The following CNTN6 variants were observed in gnomAD, a reference collection of about 807,000 sequenced individuals.
CNTN6 encodes the protein contactin-6.
In CNTN6, 137 loss-of-function variants were observed where a neutral mutation model predicts 122.8. The ratio of observed to expected loss-of-function variants is 1.12; its 90% CI spans 0.97 to 1.29. The LOEUF is 1.29. CNTN6 is among the 50% of genes most tolerant of loss of function. The pLI is 0.00. For synonymous variants in CNTN6, 570 were observed against 426.0 expected (o/e 1.34, Z -4.16); for missense variants, 1,634 against 1,223.4 (o/e 1.34, Z -5.01).
At chr3:1,165,254 TCTCATTACCG>T (rs1178810275) in intron 2 of CNTN6, among the ~76,000 whole-genome samples, 2 of 152,178 alleles carry the variant, frequency 1.3e-5, no homozygotes, top group Non-Finnish European at 2.9e-5. Flanking sequence ...CCATTCCCAT[TCTCATTACCG>T]CTCATCTAGG....
rs769454029 is a variant in CNTN6, at chr3:1,227,865, A to G, written c.230A>G (p.Tyr77Cys). The G allele has an allele frequency of 1.2e-5, 19 of 1,613,896 alleles. 1 individual carries two copies. In the South Asian group the frequency reaches 2.0e-4, roughly 17 times the overall value. The part of the protein sequence containing the change: ...TDIDFTMSYH[Y>C]RLDGGSLAIN... ...ATTGATTTTACTATGAGTTATCACT[A>G]CAGGTTGGATGGAGGCAGTCTTGCA... Residue 77 changes from tyrosine to cysteine, a missense_variant, in exon 4 of 23, where the codon TAC becomes TGC. Tyr to Cys is a radical substitution (Grantham distance 194). Transcript: ENST00000446702.
At chr3:1,258,233 G>C (rs1365120679) in intron 4 of CNTN6, among the ~76,000 whole-genome samples, 1 of 152,144 alleles carries the variant, frequency 6.6e-6, no homozygotes, top group Admixed American at 6.6e-5. Flanking sequence ...TAGTGTGGGT[G>C]AAGTTCCTTT....
At chr3:1,356,877 G>A (rs7623012) in intron 12 of CNTN6, among the ~76,000 whole-genome samples, 57,279 of 151,592 alleles carry the variant, frequency 0.38, 12,073 homozygotes, top group African/African-American at 0.55. Context: ...AATATTGAAA[G>A]TGATGCTGCG....
intron 2 of CNTN6, among the ~76,000 whole-genome samples, chr3:1,172,722 G>A (rs2093380404): frequency 6.6e-6 from 1 of 151,936 alleles, no homozygotes; most frequent in African/African-American, 2.4e-5. Flanking sequence ...AATGAACTAT[G>A]TCCCAGTGGA....
At position 1,373,913 on chromosome 3, in the gene CNTN6, A is replaced by C. The variant is rs1298636711; in HGVS notation, c.1946-11A>C. On this transcript the variant is annotated splice_polypyrimidine_tract_variant and intron_variant, in intron 15 of 22. Transcript: ENST00000446702. ...CCCAACCTAGGTGCCTTAGTGTCTC[A>C]TTCTTTTTAGTTCCAGAAATTCTCA... The C allele has an allele frequency of 6.2e-7, 1 of 1,606,110 alleles. No individual in the cohort carries two copies. Among genetic ancestry groups the C allele is most frequent in the Non-Finnish European group, 8.5e-7 (1 of 1,175,378 alleles).
At position 1,290,257 on chromosome 3, in the gene CNTN6, A is replaced by T. The variant is rs77828564; in HGVS notation, c.455-5344A>T. Reference sequence around the variant, plus strand: ...CTCCCTGCTAATATTAGCAATAAGTACTTTACAGTAATTTCACATGGCAGT... The same window carrying T: ...CTCCCTGCTAATATTAGCAATAAGTTCTTTACAGTAATTTCACATGGCAGT... On this transcript the variant is annotated intron_variant, in intron 5 of 22. Coordinates refer to ENST00000446702, the MANE Select transcript of CNTN6 (RefSeq NM_001289080.2). Among the ~76,000 whole-genome samples the T allele has an allele frequency of 4.0e-3, 613 of 152,364 alleles. 1 individual carries two copies. The highest frequency in any genetic ancestry group is 0.014 in the African/African-American group (583 of 41,586).
At chr3:1,110,897 C>A (rs912527362) in intron 1 of CNTN6, among the ~76,000 whole-genome samples, 1 of 152,144 alleles carries the variant, frequency 6.6e-6, no homozygotes, top group Non-Finnish European at 1.5e-5. Flanking sequence ...TTAGAAGGGG[C>A]AGTAGTAAAG....
At chr3:1,276,023 A>C (rs541837195) in intron 4 of CNTN6, among the ~76,000 whole-genome samples, 2 of 152,336 alleles carry the variant, frequency 1.3e-5, no homozygotes, top group East Asian at 3.9e-4. Context: ...CAATACCAAT[A>C]ATTTGTTCCA....
At chr3:1,327,909 T>TA (rs140171072) in intron 10 of CNTN6, among the ~76,000 whole-genome samples, 61 of 151,702 alleles carry the variant, frequency 4.0e-4, no homozygotes, top group Non-Finnish European at 7.5e-4. Context: ...TAAAAAGTAA[T>TA]AAAAAAATCA....
chr3:1,242,425 G>A (rs61340033), intron 4 of CNTN6, among the ~76,000 whole-genome samples: 10,886 of 149,708 alleles, frequency 0.073, 793 homozygotes, highest in East Asian at 0.33. Flanking sequence ...TGTAAGACTT[G>A]TCCGGTTTTT....
chr3:1,388,390 T>A (rs1693503414), intron 20 of CNTN6, among the ~76,000 whole-genome samples: 2 of 149,820 alleles, frequency 1.3e-5, no homozygotes, highest in Non-Finnish European at 3.0e-5. Flanking sequence ...AGAAAGGACA[T>A]CCACACCAAA....
At chr3:1,251,444 C>CA (rs145628331) in intron 4 of CNTN6, among the ~76,000 whole-genome samples, 7,605 of 152,030 alleles carry the variant, frequency 0.05, 304 homozygotes, top group East Asian at 0.13. Flanking sequence ...GAGACAAAGG[C>CA]AAAAAACACT....
chr3:1,340,290 T>TA (rs1703697564), intron 11 of CNTN6, among the ~76,000 whole-genome samples: 1 of 152,112 alleles, frequency 6.6e-6, no homozygotes, highest in South Asian at 2.1e-4. Flanking sequence ...AGAGTTATAC[T>TA]AAAAAAATCT....
intron 2 of CNTN6, among the ~76,000 whole-genome samples, chr3:1,209,751 A>AC (rs3836244): frequency 0.43 from 64,950 of 151,756 alleles, 14,493 homozygotes; most frequent in African/African-American, 0.57. Context: ...GAGCCCCAGC[A>AC]CCATCAAAAT....
At chr3:1,399,646 C>T (rs1695426794) in intron 20 of CNTN6, among the ~76,000 whole-genome samples, 1 of 151,992 alleles carries the variant, frequency 6.6e-6, no homozygotes, top group Non-Finnish European at 1.5e-5. Flanking sequence ...TGGATCTGCC[C>T]AGAGCCCAGT....
intron 12 of CNTN6, among the ~76,000 whole-genome samples, chr3:1,365,698 C>T (rs897180236): frequency 4.0e-5 from 6 of 151,820 alleles, no homozygotes; most frequent in East Asian, 1.9e-4. Flanking sequence ...TGACAAAAAC[C>T]GCAATTACTT....
chr3:1,158,846 A>AAGTGTGTG (rs2093045955), intron 2 of CNTN6, among the ~76,000 whole-genome samples: 1 of 88,508 alleles, frequency 1.1e-5, no homozygotes, highest in Non-Finnish European at 2.0e-5. Flanking sequence ...ACACATATAT[A>AAGTGTGTG]TACATACATA....
At chr3:1,175,061 C>A (rs1270789859) in intron 2 of CNTN6, among the ~76,000 whole-genome samples, 1 of 151,678 alleles carries the variant, frequency 6.6e-6, no homozygotes, top group African/African-American at 2.4e-5. Flanking sequence ...CATGGTGAGA[C>A]CCCATCTACA....
chr3:1,285,216 A>AT (rs942616106), intron 5 of CNTN6, among the ~76,000 whole-genome samples: 2 of 152,228 alleles, frequency 1.3e-5, no homozygotes, highest in Admixed American at 1.3e-4. Flanking sequence ...AAGTAAAATA[A>AT]TTTCCTGAAA....
Sources: gnomAD v4.1 joint callset for allele counts (sites outside exome capture counted in the v4.1 genomes callset) on GRCh38, gnomAD v4.1.1 for gene constraint, MANE v1.5 for transcripts, NCBI Gene and HGNC (gene_info 2026-07-23, HGNC 2026-07-21) for gene names.